The following A2ML1 variants were observed in gnomAD, a reference collection of about 807,000 sequenced individuals.
The protein encoded by A2ML1 is alpha-2-macroglobulin like 1, also known as alpha-2-macroglobulin-like protein 1.
In A2ML1, 161 loss-of-function variants were observed where a neutral mutation model predicts 181.9. The observed-to-expected ratio is 0.89, with a 90% CI of 0.78 to 1.01. A2ML1 has a LOEUF of 1.01. Ranked by LOEUF, A2ML1 falls within the 50% of genes least tolerant of loss-of-function variation. The pLI is 0.00. For missense variants in A2ML1, 1,670 were observed against 1,768.1 expected, an observed-to-expected ratio of 0.94 and a Z score of 1.00; for synonymous variants, 663 against 666.8, an observed-to-expected ratio of 0.99 and a Z score of 0.09.
chr12:8,874,401 C>T (rs750847215), intron 33 of A2ML1, 24 bp from the exon 34 acceptor site: 2 of 1,541,444 alleles, frequency 1.3e-6, no homozygotes, highest in South Asian at 2.2e-5. Flanking sequence ...TTCTAAGGTA[C>T]TGTTTCATCT....
intron 30 of A2ML1, 40 bp from the exon 31 acceptor site, chr12:8,868,190 C>G (rs765537234): frequency 6.2e-7 from 1 of 1,612,248 alleles, no homozygotes; most frequent in Non-Finnish European, 8.5e-7. Flanking sequence ...CTTTAAAGTT[C>G]TTTCCAAGTC....
Position 8,837,355 on chromosome 12 carries a change from GA to G in A2ML1, c.729-84del, listed in dbSNP as rs1418073109. On this transcript the variant is annotated intron_variant, in intron 7 of 35. Coordinates refer to ENST00000299698, the MANE Select transcript of A2ML1 (RefSeq NM_144670.6). Reference sequence around the variant, plus strand: ...AGCTTTCTTTCAGAGGCTGGAGTGTGAGAGGGAAGAAGTGGTGTTTGAGGGA... The same window carrying G: ...AGCTTTCTTTCAGAGGCTGGAGTGTGGAGGGAAGAAGTGGTGTTTGAGGGA... 5.1e-6 allele frequency: 8 copies of G among 1,557,128 alleles called. No homozygotes were observed. The African/African-American group carries it at 9.5e-5, about 19-fold the overall frequency.
At chr12:8,875,131 G>A (rs115482939) in intron 35 of A2ML1, 119 bp downstream of exon 35, 42 of 1,076,390 alleles carry the variant, frequency 3.9e-5, no homozygotes, top group Non-Finnish European at 5.5e-5. Flanking sequence ...GTGTTGCCCA[G>A]GCTGGAGGGC....
At position 8,842,110 on chromosome 12, in the gene A2ML1, C is replaced by T. The variant is rs974939320; in HGVS notation, c.1248+574C>T. Reference sequence around the variant, plus strand: ...ATAAGCTGCTGCTCCGCATGCCTCTCATGCAGGAGCCAGCTAGCCCAGGTA... The same window carrying T: ...ATAAGCTGCTGCTCCGCATGCCTCTTATGCAGGAGCCAGCTAGCCCAGGTA... On this transcript the variant is annotated intron_variant, in intron 11 of 35. Coordinates refer to ENST00000299698, the MANE Select transcript of A2ML1 (RefSeq NM_144670.6). Among the ~76,000 whole-genome samples, 7 of 152,338 alleles carry T rather than the reference C, an allele frequency of 4.6e-5. No homozygotes were observed. In the South Asian group the frequency reaches 1.0e-3, roughly 23 times the overall value.
intron 3 of A2ML1, 26 bp downstream of exon 3, chr12:8,823,908 A>G (rs764090970): frequency 1.9e-6 from 3 of 1,597,124 alleles, no homozygotes; most frequent in Non-Finnish European, 2.6e-6. Flanking sequence ...TTGGGGTTCG[A>G]CTAAAACCTG....
chr12:8,857,668 C>T, intron 25 of A2ML1, 80 bp downstream of exon 25: 1 of 1,430,716 alleles, frequency 7.0e-7, no homozygotes, highest in Non-Finnish European at 9.7e-7. Flanking sequence ...CACTACCTCT[C>T]CCCTTAACCC....
chr12:8,834,064 C>G (rs1390720924), intron 4 of A2ML1, among the ~76,000 whole-genome samples: 1 of 152,048 alleles, frequency 6.6e-6, no homozygotes, highest in Non-Finnish European at 1.5e-5. Context: ...TCACTGAATT[C>G]CAGCTTTCAA....
chr12:8,886,600 T>G (rs1944923458), exon 8 of A2ML1: 1 of 152,222 alleles, frequency 6.6e-6, no homozygotes, highest in Non-Finnish European at 1.5e-5. Context: ...CCACCCCCTT[T>G]CAAGACAGAA....
intron 26 of A2ML1, among the ~76,000 whole-genome samples, chr12:8,859,932 T>C (rs1944198327): frequency 6.6e-6 from 1 of 152,150 alleles, no homozygotes; most frequent in Admixed American, 6.5e-5. Flanking sequence ...TAGCCAAGGT[T>C]AGTGGTGTGG....
chr12:8,872,363 G>A (rs1241738308), intron 33 of A2ML1, among the ~76,000 whole-genome samples: 5 of 151,926 alleles, frequency 3.3e-5, no homozygotes, highest in Admixed American at 2.6e-4. Flanking sequence ...GGTGAAGTGG[G>A]TTTTAACTAT....
At chr12:8,834,811 G>A (rs1184833254) in intron 5 of A2ML1, 129 bp downstream of exon 5, 26 of 1,124,024 alleles carry the variant, frequency 2.3e-5, no homozygotes, top group Non-Finnish European at 3.1e-5. Flanking sequence ...GCCCAGCACC[G>A]AGCGCCCACA....
At chr12:8,881,401 T>C (rs888833846), downstream of A2ML1, among the ~76,000 whole-genome samples, 2 of 152,220 alleles carry the variant, frequency 1.3e-5, no homozygotes, top group Non-Finnish European at 2.9e-5. Context: ...TCGGAGGCAC[T>C]AATGGAAGAT....
In A2ML1 at chr12:8,838,914, T is replaced by TAA. The variant is rs11314317; in HGVS notation, c.971-178_971-177dup. On this transcript the variant is annotated intron_variant, in intron 9 of 35. Coordinates refer to ENST00000299698, the MANE Select transcript of A2ML1 (RefSeq NM_144670.6). Reference sequence around the variant, plus strand: ...TGGGCAACAGAGCGAGACTCCATCTTAAAAAAAAAAAAAAAAAAAAAAGAA... The same window carrying TAA: ...TGGGCAACAGAGCGAGACTCCATCTTAAAAAAAAAAAAAAAAAAAAAAAAGAA... Among the ~76,000 whole-genome samples the TAA allele has an allele frequency of 3.7e-3, 405 of 110,658 alleles. 3 individuals are homozygous for TAA. Among genetic ancestry groups the TAA allele is most frequent in the Middle Eastern group, 9.3e-3 (2 of 214 alleles). 72.6% of individuals were successfully genotyped at this position (110,658 alleles called of 152,430 possible).
At chr12:8,884,863 T>C (rs1436382850) in intron 7 of A2ML1, among the ~76,000 whole-genome samples, 1 of 152,254 alleles carries the variant, frequency 6.6e-6, no homozygotes, top group Non-Finnish European at 1.5e-5. Flanking sequence ...TCATTCCTTT[T>C]TATGGCTGCA....
At chr12:8,823,079 G>T in intron 1 of A2ML1, 103 bp from the exon 2 acceptor site, 1 of 1,154,690 alleles carries the variant, frequency 8.7e-7, no homozygotes, top group Non-Finnish European at 1.2e-6. Flanking sequence ...GCAGGGGCTT[G>T]GTCTGTCTAA....
At chr12:8,851,020 T>G (rs1271932182) in intron 18 of A2ML1, among the ~76,000 whole-genome samples, 1 of 152,192 alleles carries the variant, frequency 6.6e-6, no homozygotes, top group East Asian at 1.9e-4. Flanking sequence ...ATTACAGGTG[T>G]GAGCCACTGC....
chr12:8,861,049 G>T, intron 27 of A2ML1, 86 bp from the exon 28 acceptor site: 1 of 1,606,490 alleles, frequency 6.2e-7, no homozygotes, highest in Non-Finnish European at 8.5e-7. Context: ...CCCTTTTAAG[G>T]TCAAGAAGGA....
Position 8,827,857 on chromosome 12 carries a change from G to T in A2ML1, c.410-1870G>T, listed in dbSNP as rs7967635. 2.0e-3 allele frequency among the ~76,000 whole-genome samples: 311 copies of T among 152,126 alleles called. 4 individuals are homozygous for T. The highest frequency in any genetic ancestry group is 0.019 in the South Asian group (92 of 4,822). ...CTCAGTATCTCTGTGGCTCTTGAAG[G>T]CTCATAGAGGTACCTCCTTGATGGT... On this transcript the variant is annotated intron_variant, in intron 3 of 35. Transcript: ENST00000299698.
intron 29 of A2ML1, among the ~76,000 whole-genome samples, chr12:8,867,489 A>T (rs758096279): frequency 8.5e-5 from 13 of 152,300 alleles, no homozygotes; most frequent in Admixed American, 2.6e-4. Context: ...CTCTACTAAA[A>T]ATACAAAATT....
Sources: allele counts gnomAD v4.1 joint callset (sites outside exome capture counted in the v4.1 genomes callset), GRCh38; gene constraint gnomAD v4.1.1; transcripts MANE v1.5; gene names NCBI Gene and HGNC (gene_info 2026-07-23, HGNC 2026-07-21).